Variants in GFOD1 observed in about 807,000 individuals in gnomAD.
GFOD1 encodes glucose-fructose oxidoreductase domain-containing protein 1.
In GFOD1, 9 loss-of-function variants were observed where a neutral mutation model predicts 25.4. That is an observed-to-expected ratio of 0.35 (90% CI 0.21 to 0.62). GFOD1 has a LOEUF of 0.62. Ranked by LOEUF, GFOD1 falls within the 20% of genes least tolerant of loss-of-function variation. The pLI is 0.72. For synonymous variants in GFOD1, 253 were observed against 245.6 expected (o/e 1.03, Z -0.28); for missense variants, 403 against 556.9 (o/e 0.72, Z 2.78).
chr6:13,369,340 T>C lies in GFOD1; in HGVS notation c.254-3678A>G, dbSNP rs559714000. Reference sequence around the variant, plus strand: ...AAAGAACTAATCCAATATGCAAGCATGGCTTCTTGCCCAAAGATAGTTTTG... The same window carrying C: ...AAAGAACTAATCCAATATGCAAGCACGGCTTCTTGCCCAAAGATAGTTTTG... On this transcript the variant is annotated intron_variant, in intron 1 of 1. Coordinates refer to ENST00000379287, the MANE Select transcript of GFOD1 (RefSeq NM_018988.4). Among the ~76,000 whole-genome samples, 3 of 152,368 alleles carry C rather than the reference T, an allele frequency of 2.0e-5. No individual in the cohort carries two copies. In the South Asian group the frequency reaches 6.2e-4, roughly 32 times the overall value.
Position 13,434,102 on chromosome 6 carries a change from G to C in GFOD1, c.253+52536C>G, listed in dbSNP as rs1299032759. Among the ~76,000 whole-genome samples the C allele has an allele frequency of 2.0e-5, 3 of 152,308 alleles. No individual in the cohort carries two copies. In the South Asian group the frequency reaches 6.2e-4, roughly 32 times the overall value. ...CCACAATGGGAACGGGGAAGTCAAG[G>C]ACAGGGCATTATGGGAACACAGAAG... On this transcript the variant is annotated intron_variant, in intron 1 of 1. Coordinates refer to ENST00000379287, the MANE Select transcript of GFOD1 (RefSeq NM_018988.4).
At chr6:13,463,079 C>T (rs537658770) in intron 1 of GFOD1, among the ~76,000 whole-genome samples, 1 of 152,214 alleles carries the variant, frequency 6.6e-6, no homozygotes, top group African/African-American at 2.4e-5. Context: ...AAGAAGGACC[C>T]AGCTTCTTAA....
intron 1 of GFOD1, chr6:13,469,430 A>G (rs1252241171): frequency 1.0e-6 from 1 of 987,104 alleles, no homozygotes; most frequent in Non-Finnish European, 1.2e-6. Flanking sequence ...CAGTTATGGA[A>G]TTAGATGATG....
intron 1 of GFOD1, among the ~76,000 whole-genome samples, chr6:13,377,247 C>T (rs1313599617): frequency 1.3e-5 from 2 of 152,142 alleles, no homozygotes; most frequent in Non-Finnish European, 2.9e-5. Flanking sequence ...TTTTGTATTG[C>T]TGCTATAACA....
intron 1 of GFOD1, among the ~76,000 whole-genome samples, chr6:13,366,446 C>G (rs984112397): frequency 6.6e-6 from 1 of 152,194 alleles, no homozygotes; most frequent in South Asian, 2.1e-4. Flanking sequence ...AACGATTCTC[C>G]TGCCTCAGCC....
At chr6:13,481,783 T>A (rs1195218493) in intron 1 of GFOD1, among the ~76,000 whole-genome samples, 1 of 152,224 alleles carries the variant, frequency 6.6e-6, no homozygotes, top group Non-Finnish European at 1.5e-5. Context: ...ACAGTGTCAT[T>A]TTAGGTGCCA....
intron 1 of GFOD1, among the ~76,000 whole-genome samples, chr6:13,479,766 A>C (rs1238144153): frequency 6.6e-6 from 1 of 152,206 alleles, no homozygotes; most frequent in African/African-American, 2.4e-5. Flanking sequence ...GTGATGCTTG[A>C]CTTTTCCTAA....
chr6:13,388,052 A>G (rs1167677117), intron 1 of GFOD1, among the ~76,000 whole-genome samples: 1 of 152,252 alleles, frequency 6.6e-6, no homozygotes, highest in African/African-American at 2.4e-5. Context: ...AATCCAACTT[A>G]CAAGGGATGT....
intron 1 of GFOD1, among the ~76,000 whole-genome samples, chr6:13,423,491 C>T (rs1435918763): frequency 6.6e-6 from 1 of 152,156 alleles, no homozygotes; most frequent in Non-Finnish European, 1.5e-5. Flanking sequence ...CACAGACACG[C>T]CTGAAATATA....
In GFOD1 at chr6:13,361,419, ACTGC is replaced by A. The variant is rs1784945443; in HGVS notation, c.*3320_*3323del. The A allele has an allele frequency of 6.4e-6, 1 of 155,690 alleles. No individual in the cohort carries two copies. The highest frequency in any genetic ancestry group is 1.9e-4 in the East Asian group (1 of 5,244). The allele number at this position is 155,690 out of a possible 1,614,324, so 9.6% of individuals were successfully genotyped here. A position where few individuals can be genotyped will look rare whatever the true frequency, so the allele number is the denominator to read the frequency against. ...AACTAAATGGGAAGACTCTTAAAGC[ACTGC>A]CTCCTTGCATCGAGGCCCTTGAAAC... is the stretch of plus-strand genomic sequence containing the variant. On this transcript the variant is annotated 3_prime_UTR_variant, in exon 2 of 2. Transcript: ENST00000379287.
At chr6:13,456,613 G>A (rs186236591) in intron 1 of GFOD1, among the ~76,000 whole-genome samples, 2 of 152,158 alleles carry the variant, frequency 1.3e-5, no homozygotes, top group Non-Finnish European at 2.9e-5. Context: ...CTAGACTAAA[G>A]CAAGAATCTA....
At chr6:13,450,212 AG>A (rs1307435711) in intron 1 of GFOD1, among the ~76,000 whole-genome samples, 1 of 152,188 alleles carries the variant, frequency 6.6e-6, no homozygotes, top group East Asian at 1.9e-4. Context: ...GGTGGGGCTG[AG>A]GGGGACGTAA....
chr6:13,359,562 T>C lies in GFOD1; in HGVS notation c.*5181A>G, dbSNP rs1175787840. 1 of 152,156 alleles carries C rather than the reference T, an allele frequency of 6.6e-6. No homozygotes were observed. Among genetic ancestry groups the C allele is most frequent in the Admixed American group, 6.6e-5 (1 of 15,266 alleles). 9.4% of individuals were successfully genotyped at this position (152,156 alleles called of 1,614,324 possible). A position where few individuals can be genotyped will look rare whatever the true frequency, so the allele number is the denominator to read the frequency against. ...CATCCTTGCCAAATAAAATACAAGT[T>C]AGAGGTCATTGTTCACATTACAGTC... On this transcript the variant is annotated 3_prime_UTR_variant, in exon 2 of 2. Transcript: ENST00000379287.
intron 1 of GFOD1, among the ~76,000 whole-genome samples, chr6:13,436,668 GC>G (rs1386949809): frequency 2.0e-5 from 3 of 152,190 alleles, no homozygotes; most frequent in Non-Finnish European, 4.4e-5. Flanking sequence ...TGCTAATGTA[GC>G]TAAATGAATT....
intron 1 of GFOD1, among the ~76,000 whole-genome samples, chr6:13,440,215 G>A (rs1026492945): frequency 1.9e-4 from 29 of 151,838 alleles, no homozygotes; most frequent in Non-Finnish European, 4.3e-4. Flanking sequence ...TTGAGATGGA[G>A]TTTTGCTTTT....
chr6:13,382,355 G>C (rs1174976469), intron 1 of GFOD1, among the ~76,000 whole-genome samples: 1 of 151,490 alleles, frequency 6.6e-6, no homozygotes, highest in African/African-American at 2.4e-5. Flanking sequence ...CATGGGGGGG[G>C]GGGTTCTTTT....
At chr6:13,373,216 T>C (rs779224384) in intron 1 of GFOD1, among the ~76,000 whole-genome samples, 1 of 152,218 alleles carries the variant, frequency 6.6e-6, no homozygotes, top group Middle Eastern at 3.4e-3. Flanking sequence ...AATGAAACCA[T>C]GAAGGAAGGG....
intron 1 of GFOD1, among the ~76,000 whole-genome samples, chr6:13,441,754 T>C (rs989749444): frequency 1.3e-5 from 2 of 152,208 alleles, no homozygotes; most frequent in African/African-American, 2.4e-5. Flanking sequence ...AACTTCTAAA[T>C]AAACACCCAA....
intron 1 of GFOD1, among the ~76,000 whole-genome samples, chr6:13,479,168 A>G (rs917461637): frequency 2.0e-5 from 3 of 152,232 alleles, no homozygotes; most frequent in Admixed American, 6.5e-5. Context: ...ACCATTTGGA[A>G]GAGTCTAAAG....
Sources: allele counts gnomAD v4.1 joint callset (sites outside exome capture counted in the v4.1 genomes callset), GRCh38; gene constraint gnomAD v4.1.1; transcripts MANE v1.5; gene names NCBI Gene and HGNC (gene_info 2026-07-23, HGNC 2026-07-21).